The following LINGO2 variants were observed in gnomAD, a reference collection of about 807,000 sequenced individuals.
LINGO2 encodes the protein leucine rich repeat and Ig domain containing 2, also known as leucine-rich repeat and immunoglobulin-like domain-containing nogo receptor-interacting protein 2.
In LINGO2, 14 loss-of-function variants were observed where a neutral mutation model predicts 30.6. That is an observed-to-expected ratio of 0.46 (90% confidence interval 0.30 to 0.72). The LOEUF is 0.72. Among genes scored for constraint, LINGO2 ranks in the 30% least tolerant of loss-of-function variants. The probability of loss-of-function intolerance (pLI) is 0.07; values close to 1 mark genes in which losing one functional copy is unlikely to be tolerated. For synonymous variants in LINGO2, 317 were observed against 288.5 expected (o/e 1.10, Z -1.00); for missense variants, 729 against 751.7 (o/e 0.97, Z 0.35).
chr9:28,868,892 C>T, the LINGO2 span, among the ~76,000 whole-genome samples: 2 of 152,118 alleles, frequency 1.3e-5, no homozygotes, highest in South Asian at 2.1e-4. Context: ...CAACTCACAA[C>T]ATTTGCAATA....
chr9:28,098,726 A>G (rs976153668), intron 4 of LINGO2, among the ~76,000 whole-genome samples: 3 of 152,174 alleles, frequency 2.0e-5, no homozygotes, highest in Admixed American at 6.6e-5. Context: ...GGTGTTAAGC[A>G]TTATAAAATA....
At chr9:28,360,766 C>G (rs1017842052) in intron 3 of LINGO2, among the ~76,000 whole-genome samples, 1 of 152,138 alleles carries the variant, frequency 6.6e-6, no homozygotes, top group Non-Finnish European at 1.5e-5. Flanking sequence ...CACAGTCTCA[C>G]CTATAGATGC....
the LINGO2 span, among the ~76,000 whole-genome samples, chr9:28,916,343 T>A: frequency 6.9e-4 from 105 of 152,286 alleles, no homozygotes; most frequent in Non-Finnish European, 2.2e-4. Flanking sequence ...GTCTTTTTCC[T>A]GATCCAGGAG....
At chr9:28,835,367 T>C in the LINGO2 span, among the ~76,000 whole-genome samples, 10 of 152,312 alleles carry the variant, frequency 6.6e-5, no homozygotes, top group Non-Finnish European at 1.5e-4. Context: ...TAACGTATTG[T>C]CTTTCCTGAT....
Position 27,960,076 on chromosome 9 carries a change from T to A in LINGO2, c.-35-9370A>T, listed in dbSNP as rs199831658. Among the ~76,000 whole-genome samples, 5 of 152,156 alleles carry A rather than the reference T, an allele frequency of 3.3e-5. No individual in the cohort carries two copies. The East Asian group carries it at 9.6e-4, about 29-fold the overall frequency. On this transcript the variant is annotated intron_variant, in intron 5 of 5. Transcript: ENST00000379992. ...TTGGGGTAATATATTGGGGGTTATT[T>A]CATTTTGGTTCATTCCTTAATTTTC...
chr9:28,809,264 C>CA, the LINGO2 span, among the ~76,000 whole-genome samples: 5 of 152,316 alleles, frequency 3.3e-5, no homozygotes, highest in African/African-American at 1.2e-4. Context: ...ATAGAAGGAA[C>CA]AAATGGTCGA....
the LINGO2 span, among the ~76,000 whole-genome samples, chr9:28,836,054 G>C: frequency 6.6e-6 from 1 of 152,148 alleles, no homozygotes; most frequent in African/African-American, 2.4e-5. Flanking sequence ...AGGTATGCTG[G>C]ATAAAGAAGA....
intron 5 of LINGO2, among the ~76,000 whole-genome samples, chr9:28,003,839 TAAC>T (rs944533860): frequency 6.6e-6 from 1 of 152,194 alleles, no homozygotes; most frequent in African/African-American, 2.4e-5. Context: ...TCCAGGAACC[TAAC>T]AACATTAAGT....
intron 3 of LINGO2, among the ~76,000 whole-genome samples, chr9:28,352,116 C>T (rs1819925418): frequency 1.3e-5 from 2 of 150,196 alleles, no homozygotes; most frequent in African/African-American, 4.9e-5. Flanking sequence ...TCTCTCACCA[C>T]TCCTATTCAA....
the LINGO2 span, among the ~76,000 whole-genome samples, chr9:29,118,500 C>G: frequency 6.6e-6 from 1 of 152,158 alleles, no homozygotes; most frequent in African/African-American, 2.4e-5. Flanking sequence ...CGTTCATAGT[C>G]AAAACTGCCT....
the LINGO2 span, among the ~76,000 whole-genome samples, chr9:28,772,270 C>A: frequency 6.6e-6 from 1 of 152,152 alleles, no homozygotes; most frequent in African/African-American, 2.4e-5. Flanking sequence ...CCTAGAAAAT[C>A]CAGTCAGACC....
At chr9:28,880,995 C>T in the LINGO2 span, among the ~76,000 whole-genome samples, 5 of 152,102 alleles carry the variant, frequency 3.3e-5, no homozygotes, top group African/African-American at 1.2e-4. Context: ...TCACCCTGCT[C>T]TCCGACTACA....
At chr9:29,076,109 C>G in the LINGO2 span, among the ~76,000 whole-genome samples, 2 of 151,746 alleles carry the variant, frequency 1.3e-5, no homozygotes, top group African/African-American at 4.8e-5. Flanking sequence ...AACTCCTGGC[C>G]TCAAGTGGTC....
At chr9:28,366,806 A>T (rs1210537087) in intron 3 of LINGO2, among the ~76,000 whole-genome samples, 1 of 152,124 alleles carries the variant, frequency 6.6e-6, no homozygotes, top group Non-Finnish European at 1.5e-5. Context: ...TTAATATTTT[A>T]AAAAGCCAAG....
intron 2 of LINGO2, among the ~76,000 whole-genome samples, chr9:28,463,096 C>A (rs367813655): frequency 6.6e-6 from 1 of 151,744 alleles, no homozygotes; most frequent in Admixed American, 6.6e-5. Flanking sequence ...TGATTAATAG[C>A]GCTTTTTTTT....
At chr9:28,188,659 T>C (rs1819631123) in intron 4 of LINGO2, among the ~76,000 whole-genome samples, 1 of 152,152 alleles carries the variant, frequency 6.6e-6, no homozygotes, top group South Asian at 2.1e-4. Context: ...TCCTAGACAT[T>C]CTTATGTTTT....
chr9:28,980,860 A>T, the LINGO2 span, among the ~76,000 whole-genome samples: 1 of 152,090 alleles, frequency 6.6e-6, no homozygotes, highest in East Asian at 1.9e-4. Context: ...TGAAGAATGT[A>T]AACTCCATAA....
At position 28,148,962 on chromosome 9, in the gene LINGO2, A is replaced by G; in HGVS notation, c.-86-136557T>C. On this transcript the variant is annotated intron_variant, in intron 4 of 5. Coordinates refer to ENST00000379992, the Ensembl canonical transcript of LINGO2. The surrounding 1 kb of genome is among the most constrained non-coding windows in gnomAD (Gnocchi z 5.1). ...GCCGGCCACAGTTCCCACAAAAGAA[A>G]ACTGTCGGGGCCACCGCTGCAGCTG... 6.5e-7 allele frequency: 1 copy of G among 1,533,966 alleles called. No individual in the cohort carries two copies. The highest frequency in any genetic ancestry group is 2.4e-5 in the East Asian group (1 of 40,886).
chr9:28,245,596 C>T (rs931590467), intron 4 of LINGO2, among the ~76,000 whole-genome samples: 1 of 152,150 alleles, frequency 6.6e-6, no homozygotes, highest in African/African-American at 2.4e-5. Context: ...TCAGCAAAGT[C>T]TCAGGATACA....
Sources: gnomAD v4.1 joint callset for allele counts (sites outside exome capture counted in the v4.1 genomes callset) on GRCh38, gnomAD v4.1.1 for gene constraint, Gnocchi (gnomAD v3.1) non-coding constraint, MANE v1.5 for transcripts, NCBI Gene and HGNC (gene_info 2026-07-23, HGNC 2026-07-21) for gene names.